The following MAGEL2 variants were observed in gnomAD, a reference collection of about 807,000 sequenced individuals.
MAGEL2 encodes MAGE-like protein 2.
For missense variants in MAGEL2, 1,830 were observed against 1,699.2 expected (o/e 1.08, Z -1.35); for synonymous variants, 792 against 721.7 (o/e 1.10, Z -1.56).
rs555920534 is a variant in MAGEL2, at chr15:23,646,824, G to T, written c.919C>A (p.Pro307Thr). 1.3e-6 allele frequency: 2 copies of T among 1,536,388 alleles called. No individual in the cohort carries two copies. The highest frequency in any genetic ancestry group is 2.0e-5 in the Admixed American group (1 of 51,008). The change falls in exon 1 of 1, where the codon CCG (proline) becomes ACG (threonine). Residue 307 changes from proline (P) to threonine (T), a missense_variant. By Grantham distance (38) the Pro-to-Thr change is conservative. Coordinates refer to ENST00000650528, the MANE Select transcript of MAGEL2 (RefSeq NM_019066.5). The surrounding 1 kb of genome is among the most constrained non-coding windows in gnomAD (Gnocchi z 4.2). ...GGTGGGGCCGCCGGCTGTGCCATCG[G>T]TGCTCCTGAAGCTGGAGGCTGGGTC... ...PMTQPPASGA[P>T]MAQPAAPPAQ...
rs778741530 is a variant in MAGEL2, at chr15:23,645,190, C to T, written c.2553G>A (p.Val851=). The part of the protein sequence containing the change: ...NMNASKASQA[V]PTFLMATAAA... Reference sequence around the variant, plus strand: ...CTGCTGTAGCCATCAGGAAGGTGGGCACTGCCTGCGATGCCTTTGAGGCAT... The same window carrying T: ...CTGCTGTAGCCATCAGGAAGGTGGGTACTGCCTGCGATGCCTTTGAGGCAT... Residue 851 remains valine (V), a synonymous_variant, in exon 1 of 1, where the codon GTG becomes GTA. Coordinates refer to ENST00000650528, the MANE Select transcript of MAGEL2 (RefSeq NM_019066.5). The T allele has an allele frequency of 5.0e-6, 8 of 1,613,768 alleles. No homozygotes were observed. The East Asian group carries it at 1.8e-4, about 36-fold the overall frequency.
At position 23,646,149 on chromosome 15, in the gene MAGEL2, G is replaced by A. The variant is rs1447756342; in HGVS notation, c.1594C>T (p.Pro532Ser). 8.9e-6 allele frequency: 12 copies of A among 1,345,670 alleles called. No homozygotes were observed. Among genetic ancestry groups the A allele is most frequent in the South Asian group, 1.9e-5 (1 of 51,956 alleles). 83.4% of individuals were successfully genotyped at this position (1,345,670 alleles called of 1,614,324 possible). A position where few individuals can be genotyped will look rare whatever the true frequency, so the allele number is the denominator to read the frequency against. The part of the protein sequence containing the change: ...PLRQAPQARL[P>S]APQVQAAPQV... The stretch of plus-strand genomic sequence containing the variant: ...GGCGCCGCCTGCACCTGCGGGGCCG[G>A]CAGCCTAGCCTGCGGGGCCTGCCGC... The change falls in exon 1 of 1, where the codon CCG becomes TCG. Residue 532 changes from proline to serine, a missense_variant. By Grantham distance (74) the Pro-to-Ser change is moderately conservative. Coordinates refer to ENST00000650528, the MANE Select transcript of MAGEL2 (RefSeq NM_019066.5). The surrounding 1 kb of genome is among the most constrained non-coding windows in gnomAD (Gnocchi z 4.2).
At position 23,647,156 on chromosome 15, in the gene MAGEL2, C is replaced by G; in HGVS notation, c.587G>C (p.Gly196Ala). ...GTPMAHPPPP[G>A]TPMAHPPPPG... ...AGGGGGAGGATGAGCCATCGGTGTC[C>G]CCGGAGGGGGAGGATGAGCCATCGG... is the stretch of plus-strand genomic sequence containing the variant. Residue 196 changes from glycine to alanine, a missense_variant, in exon 1 of 1, where the codon GGG becomes GCG. Transcript: ENST00000650528. 6.6e-7 allele frequency: 1 copy of G among 1,525,850 alleles called. No homozygotes were observed. The highest frequency in any genetic ancestry group is 8.8e-7 in the Non-Finnish European group (1 of 1,141,856). 94.5% of individuals were successfully genotyped at this position (1,525,850 alleles called of 1,614,324 possible).
In MAGEL2 at chr15:23,645,512, G is replaced by A. The variant is rs762952665; in HGVS notation, c.2231C>T (p.Ala744Val). The A allele has an allele frequency of 3.1e-6, 5 of 1,613,930 alleles. No individual in the cohort carries two copies. The highest frequency in any genetic ancestry group is 2.2e-5 in the East Asian group (1 of 44,868). The change falls in exon 1 of 1, where the codon GCC (alanine) becomes GTC (valine). Residue 744 changes from alanine to valine, a missense_variant. Physicochemically the swap from Ala to Val is moderately conservative, Grantham distance 64. Transcript: ENST00000650528. ...ERRTSSKERR[A>V]PSKDRMIFAA... ...AAAGATCATGCGGTCTTTTGAAGGG[G>A]CCCTGCGCTCCTTCGAGGAGGTCCT...
In MAGEL2 at chr15:23,643,789, C is replaced by A; in HGVS notation, c.*204G>T. The A allele has an allele frequency of 2.0e-6, 1 of 492,262 alleles. No homozygotes were observed. Among genetic ancestry groups the A allele is most frequent in the Non-Finnish European group, 3.4e-6 (1 of 293,064 alleles). The allele number at this position is 492,262 out of a possible 1,614,324, so 30.5% of individuals were successfully genotyped here. A position where few individuals can be genotyped will look rare whatever the true frequency, so the allele number is the denominator to read the frequency against. On this transcript the variant is annotated 3_prime_UTR_variant, in exon 1 of 1. Transcript: ENST00000650528. ...CAGATCTCACTTAAAAACACAGATG[C>A]CAAAATACAGAACAGAACAGTAGCC...
rs578201888 is a variant in MAGEL2 at position 23,645,255 on chromosome 15, C to T, written c.2488G>A (p.Ala830Thr). The part of the protein sequence containing the change: ...ALQDPFACVE[A>T]LPAVPWVPQP... ...GGGACCCATGGAACTGCAGGCAGGG[C>T]CTCTACACAGGCAAAGGGATCCTGC... The change falls in exon 1 of 1, where the codon GCC (alanine) becomes ACC (threonine). Residue 830 changes from alanine (A) to threonine (T), a missense_variant. By Grantham distance (58) the Ala-to-Thr change is moderately conservative (BLOSUM62 0). Coordinates refer to ENST00000650528, the MANE Select transcript of MAGEL2 (RefSeq NM_019066.5). 11 of 1,613,812 alleles carry T rather than the reference C, an allele frequency of 6.8e-6. No homozygotes were observed. The South Asian group carries it at 8.8e-5, about 13-fold the overall frequency.
In MAGEL2 at chr15:23,647,542, G is replaced by C; in HGVS notation, c.201C>G (p.Ala67=). 6.5e-7 allele frequency: 1 copy of C among 1,532,900 alleles called. No homozygotes were observed. Among genetic ancestry groups the C allele is most frequent in the South Asian group, 1.2e-5 (1 of 83,634 alleles). The allele number at this position is 1,532,900 out of a possible 1,614,324, so 95.0% of individuals were successfully genotyped here. ...AWQAPQPAWE[A]PQGQLPAPVV... ...CCGGGGCGGGCAGCTGGCCCTGTGG[G>C]GCCTCCCAGGCAGGCTGAGGTGCCT... Residue 67 remains alanine (A), a synonymous_variant, in exon 1 of 1, where the codon GCC becomes GCG. Transcript: ENST00000650528.
chr15:23,646,849 C>T lies in MAGEL2; in HGVS notation c.894G>A (p.Met298Ile), dbSNP rs1566785067. Residue 298 changes from methionine to isoleucine, a missense_variant, in exon 1 of 1, where the codon ATG becomes ATA. By Grantham distance (10) the Met-to-Ile change is conservative. Transcript: ENST00000650528. This position sits in a 1 kb window ranked among gnomAD's most constrained non-coding sequence, Gnocchi z 4.2. ...GTGCTCCTGAAGCTGGAGGCTGGGT[C>T]ATCGGAGCTCTCGCACCTGGAGGAT... ...MIHPPGARAP[M>I]TQPPASGAPM... 2 of 1,536,758 alleles carry T rather than the reference C, an allele frequency of 1.3e-6. No homozygotes were observed. The highest frequency in any genetic ancestry group is 1.7e-6 in the Non-Finnish European group (2 of 1,146,882).
Position 23,647,378 on chromosome 15 carries a change from G to A in MAGEL2, c.365C>T (p.Pro122Leu), listed in dbSNP as rs1890442133. 10 of 1,536,932 alleles carry A rather than the reference G, an allele frequency of 6.5e-6. No individual in the cohort carries two copies. The highest frequency in any genetic ancestry group is 8.7e-6 in the Non-Finnish European group (10 of 1,146,842). ...CACCATCAGGACTCCCGGGGTCGGAGGCTGGGCCATCGGGGCTCCCGGAGG... is the reference window on the plus strand; with the variant it reads ...CACCATCAGGACTCCCGGGGTCGGAAGCTGGGCCATCGGGGCTCCCGGAGG... ...PPPPGAPMAQ[P>L]PTPGVLMVHP... Residue 122 changes from proline to leucine, a missense_variant, in exon 1 of 1, where the codon CCT becomes CTT. Transcript: ENST00000650528.
rs755206356 is a variant in MAGEL2, at chr15:23,644,896, A to T, written c.2847T>A (p.Pro949=). 5.0e-6 allele frequency: 8 copies of T among 1,612,656 alleles called. No individual in the cohort carries two copies. Among genetic ancestry groups the T allele is most frequent in the Non-Finnish European group, 6.8e-6 (8 of 1,179,776 alleles). ...AGCCACTCAGGATCCTGGAGGTGCTAGGGCCCTCCCAACCACTCAGGCCAC... is the reference window on the plus strand; with the variant it reads ...AGCCACTCAGGATCCTGGAGGTGCTTGGGCCCTCCCAACCACTCAGGCCAC... The part of the protein sequence containing the change: ...TPRGLSGWEG[P]STSRILSGWE... The change falls in exon 1 of 1, where the codon CCT becomes CCA. Residue 949 remains proline, a synonymous_variant. Coordinates refer to ENST00000650528, the MANE Select transcript of MAGEL2 (RefSeq NM_019066.5).
In MAGEL2 at chr15:23,644,111, C is replaced by G; in HGVS notation, c.3632G>C (p.Ser1211Thr). Residue 1211 changes from serine (S) to threonine (T), a missense_variant, in exon 1 of 1, where the codon AGC becomes ACC. Ser to Thr is a moderately conservative substitution (Grantham distance 58, BLOSUM62 1). Transcript: ENST00000650528. ...LAKLHKKDPQ[S>T]WPFHYLEALA... is the part of the protein sequence containing the mutation. ...CGCTTCAAGGTAATGGAATGGCCAG[C>G]TCTGTGGATCTTTCTTATGGAGCTT... 1.2e-6 allele frequency: 2 copies of G among 1,613,984 alleles called. No homozygotes were observed. The highest frequency in any genetic ancestry group is 1.7e-6 in the Non-Finnish European group (2 of 1,179,892).
rs770724034 is a variant in MAGEL2 at position 23,644,996 on chromosome 15, T to C, written c.2747A>G (p.Asn916Ser). 5.6e-6 allele frequency: 9 copies of C among 1,613,924 alleles called. No homozygotes were observed. In the South Asian group the frequency reaches 8.8e-5, roughly 16 times the overall value. ...GACCTCCCAGTCACTCAGATTTAGA[T>C]TCTCCCAGGGCCTTGGGCCCTGCCA... The part of the protein sequence containing the change: ...HDWQGPRPWE[N>S]LNLSDWEVQS... The change falls in exon 1 of 1, where the codon AAT (asparagine) becomes AGT (serine). Residue 916 changes from asparagine (N) to serine (S), a missense_variant. Transcript: ENST00000650528.
In MAGEL2 at chr15:23,646,361, G is replaced by A. The variant is rs1002939036; in HGVS notation, c.1382C>T (p.Ala461Val). The change falls in exon 1 of 1, where the codon GCC becomes GTC. Residue 461 changes from alanine to valine, a missense_variant. Coordinates refer to ENST00000650528, the MANE Select transcript of MAGEL2 (RefSeq NM_019066.5). The surrounding 1 kb of genome is among the most constrained non-coding windows in gnomAD (Gnocchi z 4.2). ...IRQAPPVIRQ[A>V]PAVIRQAPPV... ...TGGGGCCTGGCGGATCACAGCGGGG[G>A]CCTGGCGGATCACGGGTGGGGCCTG... is the stretch of plus-strand genomic sequence containing the variant. The A allele has an allele frequency of 2.2e-6, 3 of 1,385,592 alleles. No individual in the cohort carries two copies. The highest frequency in any genetic ancestry group is 3.1e-5 in the African/African-American group (2 of 64,780). 85.8% of individuals were successfully genotyped at this position (1,385,592 alleles called of 1,614,324 possible).
At position 23,644,312 on chromosome 15, in the gene MAGEL2, C is replaced by G. The variant is rs756210530; in HGVS notation, c.3431G>C (p.Arg1144Pro). 3 of 1,613,694 alleles carry G rather than the reference C, an allele frequency of 1.9e-6. No homozygotes were observed. Among genetic ancestry groups the G allele is most frequent in the East Asian group, 2.2e-5 (1 of 44,870 alleles). Residue 1144 changes from arginine to proline, a missense_variant, in exon 1 of 1, where the codon CGG becomes CCG. Transcript: ENST00000650528. ...NFLFKLGLDV[R>P]ETNGLFGNTK... ...ATTTCCAAAGAGACCGTTTGTCTCC[C>G]GGACATCCAACCCTAACTTGAACAG...
rs924698907 is a variant in MAGEL2 at position 23,644,792 on chromosome 15, C to G, written c.2951G>C (p.Ser984Thr). Residue 984 changes from serine (S) to threonine (T), a missense_variant, in exon 1 of 1, where the codon AGC (serine) becomes ACC (threonine). Coordinates refer to ENST00000650528, the MANE Select transcript of MAGEL2 (RefSeq NM_019066.5). ...STSRALGLSE[S>T]PGSSLPVVVS... ...AACTACGGGCAGAGAGCTCCCTGGG[C>G]TTTCAGAGAGACCCAGGGCCCTGGA... 3 of 1,613,384 alleles carry G rather than the reference C, an allele frequency of 1.9e-6. No individual in the cohort carries two copies. The highest frequency in any genetic ancestry group is 2.5e-6 in the Non-Finnish European group (3 of 1,179,850).
Position 23,646,402 on chromosome 15 carries a change from G to C in MAGEL2, c.1341C>G (p.Ala447=), listed in dbSNP as rs1890405737. The part of the protein sequence containing the change: ...IRQAPPVIRQ[A]PPVIRQAPPV... The stretch of plus-strand genomic sequence containing the variant: ...GTGGGGCCTGGCGGATCACGGGTGG[G>C]GCCTGGCGGATCACCGGTGGGGCCT... Residue 447 remains alanine, a synonymous_variant, in exon 1 of 1, where the codon GCC becomes GCG. Coordinates refer to ENST00000650528, the MANE Select transcript of MAGEL2 (RefSeq NM_019066.5). The surrounding 1 kb of genome is among the most constrained non-coding windows in gnomAD (Gnocchi z 4.2). 1.4e-6 allele frequency: 2 copies of C among 1,404,100 alleles called. No individual in the cohort carries two copies. The highest frequency in any genetic ancestry group is 3.2e-5 in the South Asian group (2 of 62,052). 87.0% of individuals were successfully genotyped at this position (1,404,100 alleles called of 1,614,324 possible).
chr15:23,647,860 T>C lies in MAGEL2; in HGVS notation c.-118A>G. The C allele has an allele frequency of 5.5e-6, 6 of 1,088,178 alleles. No homozygotes were observed. In the South Asian group the frequency reaches 1.2e-4, roughly 22 times the overall value. 67.4% of individuals were successfully genotyped at this position (1,088,178 alleles called of 1,614,324 possible). ...GGCTCCCTCCCTGCTGAATGCTGAA[T>C]AGGAAGTGAGTGCTGCTCGCTCCGC... On this transcript the variant is annotated 5_prime_UTR_variant, in exon 1 of 1. Coordinates refer to ENST00000650528, the MANE Select transcript of MAGEL2 (RefSeq NM_019066.5).
chr15:23,645,692 G>A lies in MAGEL2; in HGVS notation c.2051C>T (p.Pro684Leu), dbSNP rs1287158579. The A allele has an allele frequency of 6.4e-7, 1 of 1,556,736 alleles. No homozygotes were observed. Among genetic ancestry groups the A allele is most frequent in the Non-Finnish European group, 8.7e-7 (1 of 1,154,422 alleles). ...QAEVPTLPLQ[P>L]SWQAPPAVLQ... Reference sequence around the variant, plus strand: ...GACTGCAGGCGGTGCCTGCCAGGAAGGCTGGAGCGGCAGTGTGGGCACCTC... The same window carrying A: ...GACTGCAGGCGGTGCCTGCCAGGAAAGCTGGAGCGGCAGTGTGGGCACCTC... The change falls in exon 1 of 1, where the codon CCT becomes CTT. Residue 684 changes from proline (P) to leucine (L), a missense_variant. By Grantham distance (98) the Pro-to-Leu change is moderately conservative. Coordinates refer to ENST00000650528, the MANE Select transcript of MAGEL2 (RefSeq NM_019066.5).
At position 23,646,619 on chromosome 15, in the gene MAGEL2, C is replaced by G; in HGVS notation, c.1124G>C (p.Trp375Ser). The change falls in exon 1 of 1, where the codon TGG becomes TCG. Residue 375 changes from tryptophan to serine, a missense_variant. By Grantham distance (177) the Trp-to-Ser change is radical. Coordinates refer to ENST00000650528, the MANE Select transcript of MAGEL2 (RefSeq NM_019066.5). This position sits in a 1 kb window ranked among gnomAD's most constrained non-coding sequence, Gnocchi z 4.2. The part of the protein sequence containing the change: ...PPGWQATSPG[W>S]QATQQGWQAT... Reference sequence around the variant, plus strand: ...CTGCCAGCCTTGCTGCGTGGCCTGCCATCCTGGCGAGGTCGCCTGCCAGCC... The same window carrying G: ...CTGCCAGCCTTGCTGCGTGGCCTGCGATCCTGGCGAGGTCGCCTGCCAGCC... 1 of 1,472,486 alleles carries G rather than the reference C, an allele frequency of 6.8e-7. No homozygotes were observed. The highest frequency in any genetic ancestry group is 1.4e-5 in the African/African-American group (1 of 71,322). 91.2% of individuals were successfully genotyped at this position (1,472,486 alleles called of 1,614,324 possible).
Sources: gnomAD v4.1 joint callset for allele counts on GRCh38, gnomAD v4.1.1 for gene constraint, Gnocchi (gnomAD v3.1) non-coding constraint, MANE v1.5 for transcripts, NCBI Gene and HGNC (gene_info 2026-07-23, HGNC 2026-07-21) for gene names.